Variants in ICAM3 observed in about 807,000 individuals in gnomAD.
ICAM3 encodes ICAM-3.
In ICAM3, 54 loss-of-function variants were observed where a neutral mutation model predicts 43.6. The ratio of observed to expected loss-of-function variants is 1.24; its 90% CI spans 0.99 to 1.55. The LOEUF (loss-of-function observed/expected upper bound fraction) is 1.55, where lower values mean the gene tolerates loss of function less well. Ranked by LOEUF, ICAM3 falls within the 40% of genes most tolerant of loss-of-function variation. The pLI, the probability that ICAM3 is intolerant of heterozygous loss-of-function variation, is 0.00. For missense variants in ICAM3, 715 were observed against 717.9 expected, an observed-to-expected ratio of 1.00 and a Z score of 0.05; for synonymous variants, 306 against 312.6, an observed-to-expected ratio of 0.98 and a Z score of 0.22.
Position 10,334,796 on chromosome 19 carries a change from A to G in ICAM3, c.938-14T>C, listed in dbSNP as rs1343906184. 43 of 1,566,994 alleles carry G rather than the reference A, an allele frequency of 2.7e-5. No individual in the cohort carries two copies. In the East Asian group the frequency reaches 9.5e-4, roughly 35 times the overall value. ...GTCCTAGGAAGCCTAAAGGCGGGGCATTGCCCAGGAGCTTAATGAACAGGA... is the reference window on the plus strand; with the variant it reads ...GTCCTAGGAAGCCTAAAGGCGGGGCGTTGCCCAGGAGCTTAATGAACAGGA... On this transcript the variant is annotated splice_polypyrimidine_tract_variant and intron_variant, in intron 4 of 6. Transcript: ENST00000160262. The surrounding 1 kb of genome is among the most constrained non-coding windows in gnomAD (Gnocchi z 5.5).
At position 10,335,057 on chromosome 19, in the gene ICAM3, T is replaced by G. The variant is rs113160220; in HGVS notation, c.937+9A>C. ...TGAGGCCGCGCCCCCTTCCCACGCC[T>G]CCTCTTACTAAAGACCGTCAAGTTC... On this transcript the variant is annotated intron_variant, in intron 4 of 6. Coordinates refer to ENST00000160262, the MANE Select transcript of ICAM3 (RefSeq NM_002162.5). 5.5e-4 allele frequency: 884 copies of G among 1,608,858 alleles called. 9 individuals carry two copies. In the Middle Eastern group the frequency reaches 0.025, roughly 45 times the overall value.
At position 10,334,992 on chromosome 19, in the gene ICAM3, T is replaced by A; in HGVS notation, c.937+74A>T. 1 of 1,546,014 alleles carries A rather than the reference T, an allele frequency of 6.5e-7. No individual in the cohort carries two copies. The highest frequency in any genetic ancestry group is 8.8e-7 in the Non-Finnish European group (1 of 1,142,252). On this transcript the variant is annotated intron_variant, in intron 4 of 6. Coordinates refer to ENST00000160262, the MANE Select transcript of ICAM3 (RefSeq NM_002162.5). The surrounding 1 kb of genome is among the most constrained non-coding windows in gnomAD (Gnocchi z 5.5). ...TTGGGGCAAGCCAGGCCCCACCTTT[T>A]CGGCTAGTCTCCGCCCCCTCTGCCA...
Position 10,338,743 on chromosome 19 carries a change from GA to G in ICAM3, c.281del (p.Ile94ThrfsTer12), listed in dbSNP as rs1346179743. ...NLSNVTGNSRILCSVYCNGSQ... is the reference protein window; with the variant it reads ...NLSNVTGNSRXLCSVYCNGSQ... The stretch of plus-strand genomic sequence containing the variant: ...AGCCATTGCAGTACACTGAGCAGAG[GA>G]TCCGACTGTTGCCAGTCACGTTGCT... On this transcript the variant is annotated frameshift_variant, in exon 2 of 7. Coordinates refer to ENST00000160262, the MANE Select transcript of ICAM3 (RefSeq NM_002162.5). LOFTEE classifies it high-confidence loss of function. The G allele has an allele frequency of 1.2e-6, 2 of 1,614,142 alleles. No homozygotes were observed. Among genetic ancestry groups the G allele is most frequent in the Admixed American group, 3.3e-5 (2 of 60,008 alleles).
chr19:10,339,154 G>T, intron 1 of ICAM3: 2 of 620,360 alleles, frequency 3.2e-6, no homozygotes, highest in Non-Finnish European at 5.6e-6. Context: ...ATAGGAGGAG[G>T]TGAGTCAGGG....
At chr19:10,335,645 C>G in intron 3 of ICAM3, 26 bp downstream of exon 3, 2 of 1,572,500 alleles carry the variant, frequency 1.3e-6, no homozygotes, top group South Asian at 1.2e-5. Flanking sequence ...AGCTCGTCAC[C>G]CACCGTCTGA....
Position 10,334,107 on chromosome 19 carries a change from C to CCCCCCCCCCCCCCCCCCGACCCGGCCCGA in ICAM3, c.1442-49_1442-48insTCGGGCCGGGTCGGGGGGGGGGGGGGGGG. ...CAATATGCGTCCCTTCTGTCTCCAA[C>CCCCCCCCCCCCCCCCCCGACCCGGCCCGA]CCCCCCGCCCCCCGGCTTACCGGTC... On this transcript the variant is annotated intron_variant, in intron 6 of 6. Coordinates refer to ENST00000160262, the MANE Select transcript of ICAM3 (RefSeq NM_002162.5). The surrounding 1 kb of genome is among the most constrained non-coding windows in gnomAD (Gnocchi z 5.5). The CCCCCCCCCCCCCCCCCCGACCCGGCCCGA allele has an allele frequency of 6.3e-7, 1 of 1,575,254 alleles. No homozygotes were observed. Among genetic ancestry groups the CCCCCCCCCCCCCCCCCCGACCCGGCCCGA allele is most frequent in the Non-Finnish European group, 8.7e-7 (1 of 1,146,364 alleles).
Position 10,334,493 on chromosome 19 carries a change from G to T in ICAM3, c.1192+35C>A. Reference sequence around the variant, plus strand: ...GAGCGTCTAATCTTTCCAGGGCAGGGGTGGAGGGATTAAAGGTCAGGGTGA... The same window carrying T: ...GAGCGTCTAATCTTTCCAGGGCAGGTGTGGAGGGATTAAAGGTCAGGGTGA... On this transcript the variant is annotated intron_variant, in intron 5 of 6. Transcript: ENST00000160262. This position sits in a 1 kb window ranked among gnomAD's most constrained non-coding sequence, Gnocchi z 5.5. 1 of 1,602,788 alleles carries T rather than the reference G, an allele frequency of 6.2e-7. No individual in the cohort carries two copies. Among genetic ancestry groups the T allele is most frequent in the Non-Finnish European group, 8.5e-7 (1 of 1,172,696 alleles).
Position 10,338,890 on chromosome 19 carries a change from A to G in ICAM3, c.135T>C (p.Ala45=). Residue 45 remains alanine (A), a synonymous_variant, in exon 2 of 7, where the codon GCT becomes GCC. Coordinates refer to ENST00000160262, the MANE Select transcript of ICAM3 (RefSeq NM_002162.5). Reference sequence around the variant, plus strand: ...TGCAGTTCACAAACAGGGACCCTCCAGCAGAGAGCACAGGGTTCTGGGGCT... The same window carrying G: ...TGCAGTTCACAAACAGGGACCCTCCGGCAGAGAGCACAGGGTTCTGGGGCT... ...RVEPQNPVLS[A]GGSLFVNCST... 6.2e-7 allele frequency: 1 copy of G among 1,614,154 alleles called. No individual in the cohort carries two copies. Among genetic ancestry groups the G allele is most frequent in the Non-Finnish European group, 8.5e-7 (1 of 1,180,022 alleles).
chr19:10,334,770 G>T lies in ICAM3; in HGVS notation c.950C>A (p.Pro317His). The T allele has an allele frequency of 1.3e-6, 2 of 1,592,684 alleles. No homozygotes were observed. The highest frequency in any genetic ancestry group is 1.7e-6 in the Non-Finnish European group (2 of 1,166,678). The stretch of plus-strand genomic sequence containing the variant: ...GGTGGGCTCGCTGAGGTTCACAATG[G>T]GTCCTAGGAAGCCTAAAGGCGGGGC... The part of the protein sequence containing the change: ...ENLTVFSFLG[P>H]IVNLSEPTAH... Residue 317 changes from proline (P) to histidine (H), a missense_variant, in exon 5 of 7, where the codon CCC becomes CAC. Pro to His is a moderately conservative substitution (Grantham distance 77). Transcript: ENST00000160262. The surrounding 1 kb of genome is among the most constrained non-coding windows in gnomAD (Gnocchi z 5.5).
Position 10,338,912 on chromosome 19 carries a change from G to A in ICAM3, c.113C>T (p.Pro38Leu), listed in dbSNP as rs2040626588. 6.2e-7 allele frequency: 1 copy of A among 1,613,994 alleles called. No homozygotes were observed. The change falls in exon 2 of 7, where the codon CCC (proline) becomes CTC (leucine). Residue 38 changes from proline (P) to leucine (L), a missense_variant. Coordinates refer to ENST00000160262, the MANE Select transcript of ICAM3 (RefSeq NM_002162.5). ...TCCAGCAGAGAGCACAGGGTTCTGG[G>A]GCTCCACCCGCAAAAGGAACTCCTG... ...QGQEFLLRVE[P>L]QNPVLSAGGS...
In ICAM3 at chr19:10,334,216, C is replaced by T. The variant is rs566961542; in HGVS notation, c.1385G>A (p.Cys462Tyr). 7 of 1,614,000 alleles carry T rather than the reference C, an allele frequency of 4.3e-6. No individual in the cohort carries two copies. The highest frequency in any genetic ancestry group is 5.9e-6 in the Non-Finnish European group (7 of 1,179,950). Residue 462 changes from cysteine (C) to tyrosine (Y), a missense_variant, in exon 6 of 7, where the codon TGC becomes TAC. Physicochemically the swap from Cys to Tyr is radical, Grantham distance 194. Coordinates refer to ENST00000160262, the MANE Select transcript of ICAM3 (RefSeq NM_002162.5). This position sits in a 1 kb window ranked among gnomAD's most constrained non-coding sequence, Gnocchi z 5.5. ...TTTGCCTCGTGAGCTGGACGCTTGG[C>T]ACTGATAAGTACCATTATGTGTTAC... ...VNVTHNGTYQ[C>Y]QASSSRGKYT...
chr19:10,334,301 G>T lies in ICAM3; in HGVS notation c.1300C>A (p.Arg434=). 1 of 1,614,170 alleles carries T rather than the reference G, an allele frequency of 6.2e-7. No individual in the cohort carries two copies. Residue 434 remains arginine, a synonymous_variant, in exon 6 of 7, where the codon CGG becomes AGG. Coordinates refer to ENST00000160262, the MANE Select transcript of ICAM3 (RefSeq NM_002162.5). This position sits in a 1 kb window ranked among gnomAD's most constrained non-coding sequence, Gnocchi z 5.5. ...CGGCTGGAGCCTTCCTTCAAACACCGCAGCTCGGGGTACGGGTTGCCCCTG... is the reference window on the plus strand; with the variant it reads ...CGGCTGGAGCCTTCCTTCAAACACCTCAGCTCGGGGTACGGGTTGCCCCTG... ...QARGNPYPEL[R]CLKEGSSREV... is the part of the protein sequence containing the mutation.
intron 2 of ICAM3, 146 bp downstream of exon 2, chr19:10,338,536 C>T: frequency 1.5e-6 from 1 of 674,350 alleles, no homozygotes. Context: ...ATCTTTGTAT[C>T]TCACACACAA....
chr19:10,336,224 TA>T (rs74312588), intron 2 of ICAM3: 376 of 459,068 alleles, frequency 8.2e-4, no homozygotes, highest in East Asian at 1.3e-3. Context: ...GATGGCACAA[TA>T]AAAAAAAATG....
At chr19:10,335,407 C>A in intron 3 of ICAM3, 54 bp from the exon 4 acceptor site, 1 of 1,449,332 alleles carries the variant, frequency 6.9e-7, no homozygotes, top group South Asian at 1.3e-5. Context: ...TTCCCCAGGA[C>A]ACCCTCATCC....
chr19:10,334,106 A>G lies in ICAM3; in HGVS notation c.1442-47T>C. 1 of 1,579,070 alleles carries G rather than the reference A, an allele frequency of 6.3e-7. No individual in the cohort carries two copies. Among genetic ancestry groups the G allele is most frequent in the Non-Finnish European group, 8.7e-7 (1 of 1,151,560 alleles). Reference sequence around the variant, plus strand: ...TCAATATGCGTCCCTTCTGTCTCCAACCCCCCCGCCCCCCGGCTTACCGGT... The same window carrying G: ...TCAATATGCGTCCCTTCTGTCTCCAGCCCCCCCGCCCCCCGGCTTACCGGT... On this transcript the variant is annotated intron_variant, in intron 6 of 6. Coordinates refer to ENST00000160262, the MANE Select transcript of ICAM3 (RefSeq NM_002162.5). This position sits in a 1 kb window ranked among gnomAD's most constrained non-coding sequence, Gnocchi z 5.5.
At chr19:10,335,411 C>T (rs2040585451) in intron 3 of ICAM3, 58 bp from the exon 4 acceptor site, 1 of 1,438,768 alleles carries the variant, frequency 7.0e-7, no homozygotes, top group Non-Finnish European at 9.3e-7. Context: ...CCAGGACACC[C>T]TCATCCCCCC....
In ICAM3 at chr19:10,338,418, AAT is replaced by A. The variant is rs199657002; in HGVS notation, c.343+262_343+263del. On this transcript the variant is annotated intron_variant, in intron 2 of 6. Transcript: ENST00000160262. The stretch of plus-strand genomic sequence containing the variant: ...AACTCTGTCTCAAAAAAAAAAAAAA[AAT>A]GCTTGTTGGGGCCCAAGTTAATTGA... 7.8e-3 allele frequency among the ~76,000 whole-genome samples: 1,187 copies of A among 151,780 alleles called. 16 individuals carry two copies. The highest frequency in any genetic ancestry group is 0.027 in the African/African-American group (1,107 of 41,420).
At chr19:10,337,381 C>T (rs2040610008) in intron 2 of ICAM3, among the ~76,000 whole-genome samples, 2 of 146,032 alleles carry the variant, frequency 1.4e-5, no homozygotes, top group African/African-American at 5.1e-5. Context: ...TGCGCCACTG[C>T]ACTCTAGCCT....
Sources: allele counts gnomAD v4.1 joint callset (sites outside exome capture counted in the v4.1 genomes callset), GRCh38; gene constraint gnomAD v4.1.1; non-coding constraint Gnocchi (gnomAD v3.1); transcripts MANE v1.5; gene names NCBI Gene and HGNC (gene_info 2026-07-23, HGNC 2026-07-21).